The following SLC36A1 variants were observed in gnomAD, a reference collection of about 807,000 sequenced individuals.
SLC36A1 encodes proton-coupled amino acid transporter 1.
In SLC36A1, 30 loss-of-function variants were observed where a neutral mutation model predicts 47.5. The observed-to-expected ratio is 0.63, with a 90% CI of 0.47 to 0.86. The LOEUF (loss-of-function observed/expected upper bound fraction) is 0.86. Among genes scored for constraint, SLC36A1 ranks in the 40% least tolerant of loss-of-function variants. The pLI is 0.00. For missense variants in SLC36A1, 517 were observed against 606.0 expected, an observed-to-expected ratio of 0.85 and a Z score of 1.54; for synonymous variants, 255 against 249.7, an observed-to-expected ratio of 1.02 and a Z score of -0.20.
the SLC36A1 span, among the ~76,000 whole-genome samples, chr5:151,397,862 A>G: frequency 6.6e-6 from 1 of 151,986 alleles, no homozygotes; most frequent in African/African-American, 2.4e-5. Flanking sequence ...CATGTCTATA[A>G]TCTCAGTGCT....
Position 151,488,168 on chromosome 5 carries a change from G to A in SLC36A1, c.1345G>A (p.Val449Met). 2 of 1,614,184 alleles carry A rather than the reference G, an allele frequency of 1.2e-6. No individual in the cohort carries two copies. Among genetic ancestry groups the A allele is most frequent in the East Asian group, 4.5e-5 (2 of 44,866 alleles). Residue 449 changes from valine (V) to methionine (M), a missense_variant, in exon 11 of 11, where the codon GTG becomes ATG. Transcript: ENST00000243389. Reference sequence around the variant, plus strand: ...CAGCATCCTGGGCTTCGTGGGCTTTGTGGTGGGGACCTATGAGGCTCTCTA... The same window carrying A: ...CAGCATCCTGGGCTTCGTGGGCTTTATGGTGGGGACCTATGAGGCTCTCTA... ...LISILGFVGF[V>M]VGTYEALYEL...
At position 151,458,855 on chromosome 5, in the gene SLC36A1, T is replaced by G. The variant is rs1409391785; in HGVS notation, c.63T>G (p.Pro21=). 6.2e-7 allele frequency: 1 copy of G among 1,614,140 alleles called. No individual in the cohort carries two copies. Among genetic ancestry groups the G allele is most frequent in the African/African-American group, 1.3e-5 (1 of 75,056 alleles). Residue 21 remains proline, a synonymous_variant, in exon 2 of 11, where the codon CCT becomes CCG. Transcript: ENST00000243389. The part of the protein sequence containing the change: ...YHDYSSTDVS[P]EESPSEGLNN... ...ACTACAGCTCCACGGACGTGAGCCC[T>G]GAGGAGAGCCCGTCGGAAGGCCTCA...
At chr5:151,549,154 C>T in the SLC36A1 span, 4 of 719,890 alleles carry the variant, frequency 5.6e-6, no homozygotes, top group African/African-American at 1.8e-5. Flanking sequence ...TAGGTAGTCC[C>T]AGGGAATGCT....
chr5:151,519,282 T>G, the SLC36A1 span, among the ~76,000 whole-genome samples: 1 of 152,210 alleles, frequency 6.6e-6, no homozygotes, highest in South Asian at 2.1e-4. Context: ...AGGTGGAAGT[T>G]GCAGTGAGCC....
At chr5:151,512,107 C>T in the SLC36A1 span, 1 of 1,525,770 alleles carries the variant, frequency 6.6e-7, no homozygotes, top group Non-Finnish European at 8.9e-7. The surrounding 1 kb of genome is among the most constrained non-coding windows in gnomAD (Gnocchi z 4.1). Context: ...CATGCTTTTC[C>T]CACCTGAAGA....
the SLC36A1 span, among the ~76,000 whole-genome samples, chr5:151,429,007 T>C: frequency 6.6e-6 from 1 of 152,146 alleles, no homozygotes; most frequent in East Asian, 1.9e-4. Context: ...ATCTCTGGAA[T>C]AGGCAGAAAA....
chr5:151,549,982 A>G, the SLC36A1 span, among the ~76,000 whole-genome samples: 3 of 152,208 alleles, frequency 2.0e-5, no homozygotes, highest in African/African-American at 4.8e-5. Context: ...TTAAGACAGG[A>G]GGCCAGGCTC....
chr5:151,466,712 A>G (rs1014241081), intron 5 of SLC36A1, among the ~76,000 whole-genome samples: 11 of 152,188 alleles, frequency 7.2e-5, no homozygotes, highest in Non-Finnish European at 1.0e-4. Context: ...TGTAACTAAC[A>G]AAAAAGTGTG....
chr5:151,358,701 C>T, the SLC36A1 span, among the ~76,000 whole-genome samples: 8 of 151,630 alleles, frequency 5.3e-5, no homozygotes, highest in Non-Finnish European at 7.4e-5. Context: ...CGGCCGGGCG[C>T]GGTGGCTCAC....
At chr5:151,545,631 G>A in the SLC36A1 span, 1 of 1,614,004 alleles carries the variant, frequency 6.2e-7, no homozygotes, top group African/African-American at 1.3e-5. Flanking sequence ...AAGAGGGCAT[G>A]CTCTCATAAT....
downstream of SLC36A1, among the ~76,000 whole-genome samples, chr5:151,493,093 T>C (rs1167485319): frequency 6.6e-6 from 1 of 152,228 alleles, no homozygotes; most frequent in Admixed American, 6.5e-5. Flanking sequence ...ACACTTAATT[T>C]TCTTGAAATG....
At chr5:151,380,799 A>G in the SLC36A1 span, 4 of 513,644 alleles carry the variant, frequency 7.8e-6, no homozygotes, top group Non-Finnish European at 1.2e-5. Flanking sequence ...CTGGGAAGAC[A>G]GGAAATGGTT....
the SLC36A1 span, among the ~76,000 whole-genome samples, chr5:151,402,216 A>G: frequency 6.6e-6 from 1 of 152,224 alleles, no homozygotes; most frequent in South Asian, 2.1e-4. Context: ...GGATTTTATC[A>G]AAAGCTTTTT....
rs1758569238 is a variant in SLC36A1, at chr5:151,479,780, C to A, written c.1159+291C>A. 5.7e-6 allele frequency: 3 copies of A among 521,944 alleles called. No individual in the cohort carries two copies. In the East Asian group the frequency reaches 9.1e-5, roughly 16 times the overall value. 32.3% of individuals were successfully genotyped at this position (521,944 alleles called of 1,614,324 possible). ...AGAGTAAAGACATGCGATTACTATC[C>A]CATATTAAATAAGGTAAAGGTCTGA... On this transcript the variant is annotated intron_variant, in intron 10 of 10. Coordinates refer to ENST00000243389, the MANE Select transcript of SLC36A1 (RefSeq NM_078483.4).
At chr5:151,401,674 G>A in the SLC36A1 span, among the ~76,000 whole-genome samples, 1 of 152,066 alleles carries the variant, frequency 6.6e-6, no homozygotes, top group South Asian at 2.1e-4. Flanking sequence ...ATTTGTTTGT[G>A]TCATTTATGA....
intron 6 of SLC36A1, 45 bp downstream of exon 6, chr5:151,467,328 G>A (rs781295360): frequency 8.4e-6 from 10 of 1,187,262 alleles, no homozygotes; most frequent in South Asian, 4.2e-5. Flanking sequence ...AAACCAGAGC[G>A]AGAATGGCAA....
the SLC36A1 span, chr5:151,509,933 TG>T: frequency 6.8e-7 from 1 of 1,477,102 alleles, no homozygotes; most frequent in Non-Finnish European, 9.3e-7. Context: ...CACTCTCCCC[TG>T]GCCTCCCATT....
the SLC36A1 span, among the ~76,000 whole-genome samples, chr5:151,349,340 C>T: frequency 2.0e-5 from 3 of 152,024 alleles, no homozygotes; most frequent in South Asian, 2.1e-4. Flanking sequence ...GGGTGGGGCT[C>T]CACACCCCAA....
chr5:151,362,259 T>G, the SLC36A1 span, among the ~76,000 whole-genome samples: 1 of 152,052 alleles, frequency 6.6e-6, no homozygotes. Flanking sequence ...TTTCTTTTTT[T>G]CCCCCTCTGT....
Sources: allele counts gnomAD v4.1 joint callset (sites outside exome capture counted in the v4.1 genomes callset), GRCh38; gene constraint gnomAD v4.1.1; non-coding constraint Gnocchi (gnomAD v3.1); transcripts MANE v1.5; gene names NCBI Gene and HGNC (gene_info 2026-07-23, HGNC 2026-07-21).